The following FUT8 variants were observed in gnomAD, a reference collection of about 807,000 sequenced individuals.
The protein encoded by FUT8 is alpha-(1,6)-fucosyltransferase.
In FUT8, 29 loss-of-function variants were observed where a neutral mutation model predicts 71.3. That is an observed-to-expected ratio of 0.41 (90% CI 0.30 to 0.55). FUT8 has a LOEUF of 0.55. Ranked by LOEUF, FUT8 falls within the 20% of genes least tolerant of loss-of-function variation. The pLI, the probability that FUT8 is intolerant of heterozygous loss-of-function variation, is 0.34. For missense variants in FUT8, 544 were observed against 702.1 expected (o/e 0.77, Z 2.55); for synonymous variants, 254 against 239.3 (o/e 1.06, Z -0.57).
intron 7 of FUT8, among the ~76,000 whole-genome samples, chr14:65,685,177 T>C (rs192107245): frequency 6.6e-6 from 1 of 152,200 alleles, no homozygotes; most frequent in East Asian, 1.9e-4. Flanking sequence ...ACAAACTTAT[T>C]TTACAGTCTT....
chr14:65,507,667 GTATATGTACCACATTTTCT>G (rs2066757314), intron 2 of FUT8, among the ~76,000 whole-genome samples: 1 of 152,138 alleles, frequency 6.6e-6, no homozygotes, highest in Non-Finnish European at 1.5e-5. Flanking sequence ...ACTCCACTGT[GTATATGTACCACATTTTCT>G]TTGTTCATTC....
Position 65,742,495 on chromosome 14 carries a change from G to T in FUT8, c.*85G>T. 8.7e-7 allele frequency: 1 copy of T among 1,153,818 alleles called. No homozygotes were observed. The highest frequency in any genetic ancestry group is 1.2e-6 in the Non-Finnish European group (1 of 816,622). The allele number at this position is 1,153,818 out of a possible 1,614,324, so 71.5% of individuals were successfully genotyped here. On this transcript the variant is annotated 3_prime_UTR_variant, in exon 11 of 11. Transcript: ENST00000673929. ...TTCAGCCAAACTGTAGATGAAGAGG[G>T]CTCTGATCTAACAAAATAAGGTTAT...
chr14:65,595,393 A>G (rs1285033485), intron 3 of FUT8, among the ~76,000 whole-genome samples: 1 of 152,152 alleles, frequency 6.6e-6, no homozygotes, highest in Admixed American at 6.5e-5. Flanking sequence ...GAAATTATAA[A>G]GAAAATTTGT....
intron 2 of FUT8, among the ~76,000 whole-genome samples, chr14:65,502,437 C>T (rs1348564622): frequency 6.6e-6 from 1 of 152,068 alleles, no homozygotes; most frequent in African/African-American, 2.4e-5. Context: ...GTTGCCCAGG[C>T]TGGTCTCGAA....
chr14:65,698,995 A>T (rs1232877507), intron 7 of FUT8, among the ~76,000 whole-genome samples: 1 of 151,814 alleles, frequency 6.6e-6, no homozygotes, highest in Non-Finnish European at 1.5e-5. Context: ...AAAGCCAAAG[A>T]TTTTCTGTAC....
At chr14:65,523,572 A>G (rs1883232653) in intron 2 of FUT8, among the ~76,000 whole-genome samples, 1 of 152,104 alleles carries the variant, frequency 6.6e-6, no homozygotes, top group Admixed American at 6.5e-5. Context: ...GAAGCTCTTT[A>G]GCTTAATTAG....
At chr14:65,548,163 A>G (rs553528347) in intron 2 of FUT8, among the ~76,000 whole-genome samples, 1 of 152,056 alleles carries the variant, frequency 6.6e-6, no homozygotes, top group African/African-American at 2.4e-5. Context: ...TACAGAATTG[A>G]TGGGTCCTTT....
At chr14:65,366,390 G>A in the FUT8 span, among the ~76,000 whole-genome samples, 2 of 152,148 alleles carry the variant, frequency 1.3e-5, no homozygotes, top group Non-Finnish European at 2.9e-5. Flanking sequence ...TAGAAAGACT[G>A]GACATTGGAA....
intron 6 of FUT8, among the ~76,000 whole-genome samples, chr14:65,655,386 G>C (rs1186958801): frequency 6.6e-6 from 1 of 150,504 alleles, no homozygotes; most frequent in South Asian, 2.1e-4. Flanking sequence ...TGTGGCAGGA[G>C]AATGGCATGA....
At chr14:65,471,590 C>G (rs556086643) in intron 2 of FUT8, among the ~76,000 whole-genome samples, 3 of 152,084 alleles carry the variant, frequency 2.0e-5, no homozygotes, top group Non-Finnish European at 4.4e-5. Flanking sequence ...CCTACTGATG[C>G]TGGCTTCAGT....
the FUT8 span, among the ~76,000 whole-genome samples, chr14:65,396,728 A>C: frequency 6.6e-6 from 1 of 152,370 alleles, no homozygotes; most frequent in East Asian, 1.9e-4. The surrounding 1 kb of genome is among the most constrained non-coding windows in gnomAD (Gnocchi z 5.5). Flanking sequence ...AGACTATGCC[A>C]AGACACGTGG....
At chr14:65,617,026 C>A in intron 5 of FUT8, 1 of 1,518,794 alleles carries the variant, frequency 6.6e-7, no homozygotes, top group Admixed American at 2.4e-5. Flanking sequence ...ATCTGAAAAT[C>A]ATTATAAATA....
At chr14:65,502,505 G>A (rs1203849728) in intron 2 of FUT8, among the ~76,000 whole-genome samples, 1 of 152,158 alleles carries the variant, frequency 6.6e-6, no homozygotes, top group Non-Finnish European at 1.5e-5. Context: ...GATTACAGGT[G>A]TGAGCCACCG....
chr14:65,709,732 T>A (rs1326989240), intron 7 of FUT8, among the ~76,000 whole-genome samples: 1 of 152,172 alleles, frequency 6.6e-6, no homozygotes, highest in Admixed American at 6.5e-5. Flanking sequence ...CCCTTGCACT[T>A]GGAACAAAAT....
intron 2 of FUT8, among the ~76,000 whole-genome samples, chr14:65,476,674 C>T (rs1227044526): frequency 8.7e-5 from 10 of 115,384 alleles, no homozygotes; most frequent in South Asian, 8.0e-4. Context: ...TTTTTTTTGG[C>T]GACAGGGTTT....
chr14:65,498,247 T>A (rs989072968), intron 2 of FUT8, among the ~76,000 whole-genome samples: 1 of 152,194 alleles, frequency 6.6e-6, no homozygotes. Context: ...TTTTTTAGAT[T>A]CTTCAAGTAA....
Position 65,623,900 on chromosome 14 carries a change from C to T in FUT8, c.483-5592C>T, listed in dbSNP as rs148693138. 5.2e-3 allele frequency among the ~76,000 whole-genome samples: 797 copies of T among 152,212 alleles called. 18 individuals are homozygous for T. Among genetic ancestry groups the T allele is most frequent in the Admixed American group, 0.048 (735 of 15,282 alleles). On this transcript the variant is annotated intron_variant, in intron 5 of 10. Transcript: ENST00000673929. ...CACTTATTAGATTTCTTGATATGTT[C>T]GTAGTCAAAACCACAACAGCCAGAT...
intron 10 of FUT8, among the ~76,000 whole-genome samples, chr14:65,736,535 C>G (rs1322721689): frequency 6.6e-6 from 1 of 151,728 alleles, no homozygotes; most frequent in African/African-American, 2.4e-5. Flanking sequence ...TTTTGTTTAG[C>G]TTATTGAAAG....
At chr14:65,448,381 G>A (rs1012953167) in intron 1 of FUT8, among the ~76,000 whole-genome samples, 1 of 152,104 alleles carries the variant, frequency 6.6e-6, no homozygotes, top group Non-Finnish European at 1.5e-5. Flanking sequence ...CGTTTGTTCT[G>A]TTCTCATTCC....
Sources: gnomAD v4.1 joint callset for allele counts (sites outside exome capture counted in the v4.1 genomes callset) on GRCh38, gnomAD v4.1.1 for gene constraint, Gnocchi (gnomAD v3.1) non-coding constraint, MANE v1.5 for transcripts, NCBI Gene and HGNC (gene_info 2026-07-23, HGNC 2026-07-21) for gene names.